The following MLLT10 variants were observed in gnomAD, a reference collection of about 807,000 sequenced individuals.
The protein encoded by MLLT10 is MLLT10 histone lysine methyltransferase DOT1L cofactor.
A neutral mutation model predicts 129.1 loss-of-function variants in MLLT10; 30 were observed. The ratio of observed to expected loss-of-function variants is 0.23; its 90% CI spans 0.17 to 0.32. The LOEUF is 0.32. MLLT10 is among the 10% of genes least tolerant of loss of function. The pLI is 1.00. For synonymous variants in MLLT10, 490 were observed against 446.4 expected, an observed-to-expected ratio of 1.10 and a Z score of -1.23; for missense variants, 1,119 against 1,268.3, an observed-to-expected ratio of 0.88 and a Z score of 1.79.
In MLLT10 at chr10:21,742,619, G is replaced by A. The variant is rs1469041968; in HGVS notation, c.*636G>A. 4.5e-6 allele frequency: 1 copy of A among 221,170 alleles called. No homozygotes were observed. The highest frequency in any genetic ancestry group is 9.0e-6 in the Non-Finnish European group (1 of 110,646). 13.7% of individuals were successfully genotyped at this position (221,170 alleles called of 1,614,324 possible). On this transcript the variant is annotated 3_prime_UTR_variant, in exon 23 of 23. Coordinates refer to ENST00000307729, the MANE Select transcript of MLLT10 (RefSeq NM_001195626.3). ...CATCTGCTAAAGGTAATTTTCTTTT[G>A]AGAATTGCTTTCTTTAGTGTTAAGA...
At chr10:21,625,394 T>C in intron 8 of MLLT10, 1 of 800,930 alleles carries the variant, frequency 1.2e-6, no homozygotes, top group East Asian at 2.4e-5. Context: ...AAATGACTTT[T>C]CCAATATTTC....
In MLLT10 at chr10:21,651,735, A is replaced by T; in HGVS notation, c.762A>T (p.Ala254=). 1 of 1,613,286 alleles carries T rather than the reference A, an allele frequency of 6.2e-7. No individual in the cohort carries two copies. Among genetic ancestry groups the T allele is most frequent in the African/African-American group, 1.3e-5 (1 of 75,024 alleles). ...AGAAGCAGCCAGAACCATCACCTGC[A>T]TTGGTTCCATCCTTGACTGTTACTA... is the stretch of plus-strand genomic sequence containing the variant. ...KHKKQPEPSP[A]LVPSLTVTTE... is the part of the protein sequence containing the mutation. Residue 254 remains alanine (A), a synonymous_variant, in exon 9 of 23, where the codon GCA becomes GCT. Transcript: ENST00000307729.
intron 4 of MLLT10, among the ~76,000 whole-genome samples, chr10:21,587,042 A>T (rs1211609701): frequency 6.6e-6 from 1 of 150,914 alleles, no homozygotes; most frequent in Non-Finnish European, 1.5e-5. Flanking sequence ...TAGACAGATG[A>T]TGTTTCTAGT....
At chr10:21,581,040 G>A (rs1360145193) in intron 3 of MLLT10, among the ~76,000 whole-genome samples, 1 of 149,288 alleles carries the variant, frequency 6.7e-6, no homozygotes, top group Non-Finnish European at 1.5e-5. Flanking sequence ...TTAATGTTCA[G>A]TGAATTTTTT....
intron 13 of MLLT10, among the ~76,000 whole-genome samples, chr10:21,704,433 AT>A (rs1442367263): frequency 1.3e-5 from 2 of 149,822 alleles, no homozygotes; most frequent in Non-Finnish European, 3.0e-5. Context: ...TATTATTCAT[AT>A]TATTCATGTC....
intron 21 of MLLT10, among the ~76,000 whole-genome samples, chr10:21,735,646 G>A (rs1360291602): frequency 6.6e-6 from 1 of 152,170 alleles, no homozygotes; most frequent in Non-Finnish European, 1.5e-5. Context: ...CTGCAAGGGG[G>A]GTGACTTTTG....
intron 5 of MLLT10, among the ~76,000 whole-genome samples, chr10:21,602,476 C>T (rs2043634443): frequency 6.6e-6 from 1 of 151,834 alleles, no homozygotes; most frequent in Non-Finnish European, 1.5e-5. Flanking sequence ...TTGTATATAC[C>T]ACCTCTTCCC....
At chr10:21,640,711 A>G (rs116739117) in intron 8 of MLLT10, among the ~76,000 whole-genome samples, 4,281 of 152,246 alleles carry the variant, frequency 0.028, 197 homozygotes, top group African/African-American at 0.096. Flanking sequence ...AACCTTGAAA[A>G]GATAATCCAG....
intron 5 of MLLT10, among the ~76,000 whole-genome samples, chr10:21,600,368 A>AACACACACACACACACACACACACAC (rs199618726): frequency 2.1e-5 from 3 of 144,544 alleles, no homozygotes; most frequent in African/African-American, 7.6e-5. Context: ...CCTGAGATAG[A>AACACACACACACACACACACACACAC]ACACACACAC....
chr10:21,706,633 A>T (rs1489181556), intron 13 of MLLT10, among the ~76,000 whole-genome samples: 2 of 152,194 alleles, frequency 1.3e-5, no homozygotes, highest in African/African-American at 4.8e-5. Flanking sequence ...AAGCCACTGG[A>T]TGGGTACTTA....
intron 3 of MLLT10, among the ~76,000 whole-genome samples, chr10:21,540,545 A>G (rs2034961850): frequency 1.3e-5 from 2 of 152,168 alleles, no homozygotes; most frequent in Non-Finnish European, 2.9e-5. Flanking sequence ...ACTGTCTCAC[A>G]AAAAACACAG....
At chr10:21,712,404 ATC>A (rs1781787882) in intron 13 of MLLT10, among the ~76,000 whole-genome samples, 1 of 152,056 alleles carries the variant, frequency 6.6e-6, no homozygotes, top group Admixed American at 6.6e-5. Flanking sequence ...TAGAGACAAT[ATC>A]TCCCTTTGTT....
intron 9 of MLLT10, among the ~76,000 whole-genome samples, chr10:21,655,292 G>A (rs1210338724): frequency 1.3e-5 from 2 of 152,168 alleles, no homozygotes; most frequent in Non-Finnish European, 2.9e-5. Context: ...AGGTACTAAG[G>A]TAGTGGTTGG....
In MLLT10 at chr10:21,573,401, TCATGC is replaced by T. The variant is rs1425001477; in HGVS notation, c.241-12883_241-12879del. Among the ~76,000 whole-genome samples the T allele has an allele frequency of 3.9e-5, 6 of 152,204 alleles. No individual in the cohort carries two copies. In the East Asian group the frequency reaches 1.2e-3, roughly 29 times the overall value. The stretch of plus-strand genomic sequence containing the variant: ...TAGTCACAGACCCCAAGAGGAATAG[TCATGC>T]CATGCCATGGAGAATACACAGCTGA... On this transcript the variant is annotated intron_variant, in intron 3 of 22. Transcript: ENST00000307729.
intron 13 of MLLT10, chr10:21,688,448 G>A (rs1050320198): frequency 6.5e-7 from 1 of 1,534,918 alleles, no homozygotes; most frequent in Non-Finnish European, 9.0e-7. Context: ...TTTTTAGGAA[G>A]TGGTGATTAA....
rs1303773872 is a variant in MLLT10 at position 21,733,515 on chromosome 10, G to A, written c.2419G>A (p.Asp807Asn). ...TFSAQTAPTT[D>N]SLNSSKSPHI... ...TTTTATTATTCTAGCTCCTACTACT[G>A]ATTCCTTGAACAGCAGTAAGAGCCC... is the stretch of plus-strand genomic sequence containing the variant. Residue 807 changes from aspartate (D) to asparagine (N), a missense_variant, in exon 19 of 23, where the codon GAT becomes AAT. Asp to Asn is a conservative substitution (Grantham distance 23). Coordinates refer to ENST00000307729, the MANE Select transcript of MLLT10 (RefSeq NM_001195626.3). 5 of 1,550,532 alleles carry A rather than the reference G, an allele frequency of 3.2e-6. No individual in the cohort carries two copies. The highest frequency in any genetic ancestry group is 1.4e-5 in the African/African-American group (1 of 72,116).
chr10:21,689,255 C>T (rs941033397), intron 13 of MLLT10, among the ~76,000 whole-genome samples: 3 of 151,786 alleles, frequency 2.0e-5, no homozygotes, highest in African/African-American at 7.3e-5. Context: ...CACATGAGTC[C>T]TCCCTTTGAG....
At position 21,534,272 on chromosome 10, in the gene MLLT10, C is replaced by T. The variant is rs1010960149; in HGVS notation, c.-249C>T. On this transcript the variant is annotated 5_prime_UTR_variant, in exon 1 of 23. Coordinates refer to ENST00000307729, the MANE Select transcript of MLLT10 (RefSeq NM_001195626.3). ...CGCTCCGAGGAGGAAGCGCAGCCCC[C>T]TTCCCCTCCCTCGCTGCCCCTGGCC... The T allele has an allele frequency of 1.2e-5, 5 of 400,390 alleles. No individual in the cohort carries two copies. Among genetic ancestry groups the T allele is most frequent in the Non-Finnish European group, 2.2e-5 (5 of 226,910 alleles). The allele number at this position is 400,390 out of a possible 1,614,324, so 24.8% of individuals were successfully genotyped here.
Position 21,566,184 on chromosome 10 carries a change from A to G in MLLT10, c.241-20110A>G, listed in dbSNP as rs187586168. On this transcript the variant is annotated intron_variant, in intron 3 of 22. Transcript: ENST00000307729. ...TGGTCAGGCTGGTCTTGAACATTGA[A>G]CCTCAGGTGATCTGCTCTCCTAGGC... Among the ~76,000 whole-genome samples the G allele has an allele frequency of 1.3e-4, 20 of 148,740 alleles. No individual in the cohort carries two copies. The East Asian group carries it at 2.2e-3, about 16-fold the overall frequency.
Sources: gnomAD v4.1 joint callset for allele counts (sites outside exome capture counted in the v4.1 genomes callset) on GRCh38, gnomAD v4.1.1 for gene constraint, MANE v1.5 for transcripts, NCBI Gene and HGNC (gene_info 2026-07-23, HGNC 2026-07-21) for gene names.